KCTD3: variants seen among roughly 807,000 people sequenced by gnomAD.
KCTD3 encodes potassium channel tetramerization domain containing 3.
Under a neutral mutation model 85.8 loss-of-function variants are expected in KCTD3, and 41 were observed. The observed-to-expected ratio is 0.48, with a 90% confidence interval of 0.37 to 0.62. The LOEUF is 0.62. Ranked by LOEUF, KCTD3 falls within the 20% of genes least tolerant of loss-of-function variation. The pLI is 0.00. For missense variants in KCTD3, 724 were observed against 989.9 expected, an observed-to-expected ratio of 0.73 and a Z score of 3.60; for synonymous variants, 338 against 345.4, an observed-to-expected ratio of 0.98 and a Z score of 0.24.
rs141373907 is a variant in KCTD3, at chr1:215,604,157, C to A, written c.1164C>A (p.Ile388=). ...GTGTCAGTGGTAACTGGATCGAGAT[C>A]GCCTATGGTACGAGCTCTGGAGCAG... ...KTSVSGNWIE[I]AYGTSSGAVR... The change falls in exon 13 of 18, where the codon ATC becomes ATA. Residue 388 remains isoleucine (I), a synonymous_variant. Coordinates refer to ENST00000259154, the MANE Select transcript of KCTD3 (RefSeq NM_016121.5). 1 of 1,612,788 alleles carries A rather than the reference C, an allele frequency of 6.2e-7. No individual in the cohort carries two copies. The highest frequency in any genetic ancestry group is 8.5e-7 in the Non-Finnish European group (1 of 1,179,444).
intron 13 of KCTD3, among the ~76,000 whole-genome samples, chr1:215,606,370 C>A (rs1043469524): frequency 2.0e-5 from 3 of 152,034 alleles, no homozygotes; most frequent in Non-Finnish European, 4.4e-5. Flanking sequence ...ATCACTTATT[C>A]ATTTATTTGC....
intron 1 of KCTD3, among the ~76,000 whole-genome samples, chr1:215,571,272 T>A (rs2102550767): frequency 6.6e-6 from 1 of 152,338 alleles, no homozygotes; most frequent in East Asian, 1.9e-4. Context: ...GTGGATTTGC[T>A]TTGATTTTGG....
intron 8 of KCTD3, among the ~76,000 whole-genome samples, chr1:215,583,540 T>C (rs529662249): frequency 6.6e-6 from 1 of 152,298 alleles, no homozygotes; most frequent in South Asian, 2.1e-4. Flanking sequence ...ACCTTTACCT[T>C]GTGCTGACCT....
intron 12 of KCTD3, among the ~76,000 whole-genome samples, chr1:215,602,843 T>C (rs1654885287): frequency 6.6e-6 from 1 of 152,226 alleles, no homozygotes; most frequent in South Asian, 2.1e-4. Flanking sequence ...TAAGTCATCA[T>C]TTCATTTAAG....
intron 8 of KCTD3, among the ~76,000 whole-genome samples, chr1:215,581,995 T>G (rs1659843023): frequency 6.6e-6 from 1 of 152,256 alleles, no homozygotes; most frequent in Non-Finnish European, 1.5e-5. Flanking sequence ...GGTTAGGTTT[T>G]ATGTTTATGT....
intron 9 of KCTD3, among the ~76,000 whole-genome samples, chr1:215,588,609 G>A (rs1000787983): frequency 1.3e-5 from 2 of 152,030 alleles, no homozygotes; most frequent in Non-Finnish European, 2.9e-5. Flanking sequence ...TCTAGAATAA[G>A]CCATGAAATT....
At chr1:215,597,506 A>T (rs925458521) in intron 10 of KCTD3, among the ~76,000 whole-genome samples, 1 of 152,176 alleles carries the variant, frequency 6.6e-6, no homozygotes, top group Non-Finnish European at 1.5e-5. Context: ...TTGGCTCTAG[A>T]AAGGCATTAT....
Position 215,573,806 on chromosome 1 carries a change from C to A in KCTD3, c.104C>A (p.Thr35Asn). 1 of 1,576,324 alleles carries A rather than the reference C, an allele frequency of 6.3e-7. No individual in the cohort carries two copies. Among genetic ancestry groups the A allele is most frequent in the Non-Finnish European group, 8.7e-7 (1 of 1,150,930 alleles). The change falls in exon 2 of 18, where the codon ACT becomes AAT. Residue 35 changes from threonine to asparagine, a missense_variant. Around this residue, in one of 6 missense-constraint regions of KCTD3, gnomAD observed 97 missense variants for 115.7 expected, o/e 0.84. Coordinates refer to ENST00000259154, the MANE Select transcript of KCTD3 (RefSeq NM_016121.5). Reference sequence around the variant, plus strand: ...TGCAGATTTAGTACCTCAAGACAAACTCTTATGTGGATTCCAGATTCTTTT... The same window carrying A: ...TGCAGATTTAGTACCTCAAGACAAAATCTTATGTGGATTCCAGATTCTTTT... ...GGTRFSTSRQ[T>N]LMWIPDSFFS...
intron 3 of KCTD3, among the ~76,000 whole-genome samples, chr1:215,574,453 TAA>T (rs565357398): frequency 2.0e-5 from 3 of 152,126 alleles, no homozygotes; most frequent in Admixed American, 2.0e-4. Context: ...TATTAGAATA[TAA>T]GAGGTTAAAT....
At chr1:215,612,186 A>G (rs571347811) in intron 15 of KCTD3, among the ~76,000 whole-genome samples, 1 of 152,318 alleles carries the variant, frequency 6.6e-6, no homozygotes, top group South Asian at 2.1e-4. Context: ...TTCATGGCCA[A>G]ACATAAATAC....
At chr1:215,583,876 TAA>T (rs1659915799) in intron 8 of KCTD3, among the ~76,000 whole-genome samples, 2 of 152,290 alleles carry the variant, frequency 1.3e-5, no homozygotes, top group South Asian at 2.1e-4. Flanking sequence ...GAAAAATTAA[TAA>T]GTGTTCGATT....
At chr1:215,606,005 A>G (rs778961123) in intron 13 of KCTD3, among the ~76,000 whole-genome samples, 77 of 152,288 alleles carry the variant, frequency 5.1e-4, no homozygotes, top group Non-Finnish European at 7.9e-4. Flanking sequence ...TTCTAATTGT[A>G]TTTAGAATAA....
chr1:215,618,155 G>A (rs1223235210), intron 15 of KCTD3: 6 of 466,020 alleles, frequency 1.3e-5, no homozygotes, highest in Non-Finnish European at 2.7e-5. Flanking sequence ...GCATTTGGAG[G>A]TAAACTTTCA....
intron 1 of KCTD3, among the ~76,000 whole-genome samples, chr1:215,568,100 G>C (rs1253404233): frequency 1.3e-5 from 2 of 152,178 alleles, no homozygotes; most frequent in Non-Finnish European, 2.9e-5. Context: ...TCTCAGATTA[G>C]AGTGTATTTG....
At chr1:215,574,713 C>T (rs536076448) in intron 3 of KCTD3, among the ~76,000 whole-genome samples, 7 of 152,006 alleles carry the variant, frequency 4.6e-5, no homozygotes, top group Non-Finnish European at 8.8e-5. Flanking sequence ...AATAAGATCT[C>T]CACAAATCTG....
intron 9 of KCTD3, among the ~76,000 whole-genome samples, chr1:215,589,141 T>C (rs774311698): frequency 6.6e-6 from 1 of 152,160 alleles, no homozygotes. Context: ...TTCTTTTCTT[T>C]CCTTTTTTTT....
chr1:215,580,257 C>T (rs767734660), intron 8 of KCTD3, among the ~76,000 whole-genome samples: 16 of 151,996 alleles, frequency 1.1e-4, no homozygotes, highest in Non-Finnish European at 2.1e-4. Context: ...ACTGAGATAT[C>T]CTGATGTATT....
chr1:215,572,280 A>G (rs903240025), intron 1 of KCTD3, among the ~76,000 whole-genome samples: 4 of 152,238 alleles, frequency 2.6e-5, no homozygotes, highest in African/African-American at 4.8e-5. Flanking sequence ...GCTAAGAACA[A>G]TGCTTTTAGG....
At chr1:215,574,709 A>T (rs1659505381) in intron 3 of KCTD3, among the ~76,000 whole-genome samples, 1 of 152,198 alleles carries the variant, frequency 6.6e-6, no homozygotes, top group Admixed American at 6.5e-5. Context: ...CAATAATAAG[A>T]TCTCCACAAA....
Sources: allele counts gnomAD v4.1 joint callset (sites outside exome capture counted in the v4.1 genomes callset), GRCh38; gene constraint gnomAD v4.1.1; regional missense constraint gnomAD v4.1.1; transcripts MANE v1.5; gene names NCBI Gene and HGNC (gene_info 2026-07-23, HGNC 2026-07-21).